Variants in NXNL2 observed in about 807,000 individuals in gnomAD.
The protein encoded by NXNL2 is nucleoredoxin-like protein 2.
In NXNL2, 7 loss-of-function variants were observed where a neutral mutation model predicts 11.1. The observed-to-expected ratio is 0.63, with a 90% CI of 0.36 to 1.18. The LOEUF is 1.18. Ranked by LOEUF, NXNL2 falls within the 50% of genes most tolerant of loss-of-function variation. The probability of loss-of-function intolerance (pLI) is 0.02; values close to 1 mark genes in which losing one functional copy is unlikely to be tolerated. For missense variants in NXNL2, 233 were observed against 217.7 expected, an observed-to-expected ratio of 1.07 and a Z score of -0.44; for synonymous variants, 109 against 101.8, an observed-to-expected ratio of 1.07 and a Z score of -0.42.
intron 1 of NXNL2, among the ~76,000 whole-genome samples, chr9:88,560,682 C>G (rs546288277): frequency 1.3e-5 from 2 of 152,088 alleles, no homozygotes; most frequent in Non-Finnish European, 2.9e-5. Context: ...GGTTGGAGAT[C>G]GCTTGAGCTC....
At chr9:88,562,064 C>G (rs920657681) in intron 1 of NXNL2, among the ~76,000 whole-genome samples, 1 of 152,112 alleles carries the variant, frequency 6.6e-6, no homozygotes. Context: ...AAGTAGAATG[C>G]GTAAATCATT....
At chr9:88,578,962 G>A (rs1286937254), downstream of NXNL2, among the ~76,000 whole-genome samples, 1 of 152,230 alleles carries the variant, frequency 6.6e-6, no homozygotes, top group Non-Finnish European at 1.5e-5. Flanking sequence ...CTATGTGACA[G>A]CCACTCTGCT....
At chr9:88,567,729 A>T (rs1006746461) in intron 1 of NXNL2, among the ~76,000 whole-genome samples, 5 of 152,300 alleles carry the variant, frequency 3.3e-5, no homozygotes, top group African/African-American at 9.6e-5. Flanking sequence ...ACTAATATGT[A>T]AGGCACTAAT....
In NXNL2 at chr9:88,544,713, T is replaced by C. The variant is rs1829824984; in HGVS notation, c.*166T>C. 1 of 1,399,722 alleles carries C rather than the reference T, an allele frequency of 7.1e-7. No homozygotes were observed. The allele number at this position is 1,399,722 out of a possible 1,614,324, so 86.7% of individuals were successfully genotyped here. ...AAAGCAACTATTGCTCAGGAAATAA[T>C]ACACTCCATATTTTGATCATGCAGG... On this transcript the variant is annotated 3_prime_UTR_variant, in exon 2 of 2. Transcript: ENST00000375854.
chr9:88,537,633 C>T (rs147487780), intron 1 of NXNL2, among the ~76,000 whole-genome samples: 6 of 152,338 alleles, frequency 3.9e-5, no homozygotes, highest in Non-Finnish European at 7.3e-5. Flanking sequence ...GCTTATCCTA[C>T]GTCTACAGGA....
chr9:88,543,389 G>C (rs138768229), intron 1 of NXNL2, among the ~76,000 whole-genome samples: 253 of 151,754 alleles, frequency 1.7e-3, no homozygotes, highest in African/African-American at 5.5e-3. Context: ...ACCTCAGCCT[G>C]TCGAGTAGCT....
At chr9:88,558,726 C>T (rs1217940518) in intron 1 of NXNL2, among the ~76,000 whole-genome samples, 1 of 152,106 alleles carries the variant, frequency 6.6e-6, no homozygotes, top group Non-Finnish European at 1.5e-5. Flanking sequence ...TATAAGACTC[C>T]CAGCTGGTGT....
intron 1 of NXNL2, among the ~76,000 whole-genome samples, chr9:88,569,797 A>C (rs1288727647): frequency 6.6e-6 from 1 of 152,168 alleles, no homozygotes; most frequent in Non-Finnish European, 1.5e-5. Context: ...TTCCTGTGGG[A>C]TAAATTCTAT....
intron 1 of NXNL2, among the ~76,000 whole-genome samples, chr9:88,564,810 A>G (rs1344857251): frequency 6.6e-6 from 1 of 152,054 alleles, no homozygotes; most frequent in African/African-American, 2.4e-5. Context: ...TCTATTATAC[A>G]TTTACTAATA....
At chr9:88,535,957 C>T (rs1266959885) in intron 1 of NXNL2, among the ~76,000 whole-genome samples, 1 of 152,160 alleles carries the variant, frequency 6.6e-6, no homozygotes, top group Non-Finnish European at 1.5e-5. Flanking sequence ...CCCAGGGCAT[C>T]GGCACCCCAA....
Position 88,561,426 on chromosome 9 carries a change from TATCAATCTATCG to T in NXNL2, c.303-9649_303-9638del, listed in dbSNP as rs546061458. Among the ~76,000 whole-genome samples the T allele has an allele frequency of 3.5e-3, 528 of 152,274 alleles. 6 individuals carry two copies. Among genetic ancestry groups the T allele is most frequent in the Non-Finnish European group, 1.9e-3 (126 of 68,014 alleles). On this transcript the variant is annotated intron_variant, in intron 1 of 2. Coordinates refer to the NXNL2 transcript ENST00000375855. The stretch of plus-strand genomic sequence containing the variant: ...AACTCCTCTTTATCTATCATCTATC[TATCAATCTATCG>T]ATCAATCTATCTACCATCTACTATC...
At chr9:88,569,782 T>A (rs1163215879) in intron 1 of NXNL2, among the ~76,000 whole-genome samples, 3 of 152,246 alleles carry the variant, frequency 2.0e-5, no homozygotes, top group African/African-American at 7.2e-5. Context: ...TGAATTTTCC[T>A]TGCATTCCTG....
downstream of NXNL2, among the ~76,000 whole-genome samples, chr9:88,548,920 C>G (rs1475734771): frequency 6.6e-6 from 1 of 151,956 alleles, no homozygotes; most frequent in Non-Finnish European, 1.5e-5. Context: ...AGACCCTTAC[C>G]CCTTCTAATA....
At position 88,544,597 on chromosome 9, in the gene NXNL2, G is replaced by C; in HGVS notation, c.*50G>C. 1 of 1,464,530 alleles carries C rather than the reference G, an allele frequency of 6.8e-7. No individual in the cohort carries two copies. Among genetic ancestry groups the C allele is most frequent in the Non-Finnish European group, 9.1e-7 (1 of 1,103,814 alleles). 90.7% of individuals were successfully genotyped at this position (1,464,530 alleles called of 1,614,324 possible). ...GGACAGGTGCTGCTTCTCCAGCACC[G>C]ACGCTGGGGCAAAGAGGAGCATGTT... On this transcript the variant is annotated 3_prime_UTR_variant, in exon 2 of 2. Coordinates refer to ENST00000375854, the MANE Select transcript of NXNL2 (RefSeq NM_001161625.2).
chr9:88,536,182 G>C (rs1829615128), intron 1 of NXNL2, among the ~76,000 whole-genome samples: 1 of 152,176 alleles, frequency 6.6e-6, no homozygotes, highest in South Asian at 2.1e-4. Flanking sequence ...CCGGTGTCTG[G>C]ATGCGGGGAT....
chr9:88,540,131 A>C (rs916525661), intron 1 of NXNL2, among the ~76,000 whole-genome samples: 1 of 151,874 alleles, frequency 6.6e-6, no homozygotes, highest in Non-Finnish European at 1.5e-5. Context: ...AGGAGATCGA[A>C]ACCATCCTGG....
At chr9:88,560,778 A>G (rs538098022) in intron 1 of NXNL2, among the ~76,000 whole-genome samples, 1 of 152,262 alleles carries the variant, frequency 6.6e-6, no homozygotes, top group Admixed American at 6.5e-5. Flanking sequence ...AGCTGCAGAC[A>G]ACAAGCCTGG....
intron 1 of NXNL2, among the ~76,000 whole-genome samples, chr9:88,564,304 TC>T (rs1201884510): frequency 6.6e-6 from 1 of 151,634 alleles, no homozygotes; most frequent in South Asian, 2.1e-4. Flanking sequence ...TATCTATCTA[TC>T]TATCTATCTA....
downstream of NXNL2, among the ~76,000 whole-genome samples, chr9:88,577,531 T>C (rs79322923): frequency 6.5e-3 from 987 of 152,062 alleles, 11 homozygotes; most frequent in African/African-American, 0.023. Context: ...ATCTAGGTGC[T>C]GTCAAATCTG....
Sources: allele counts gnomAD v4.1 joint callset (sites outside exome capture counted in the v4.1 genomes callset), GRCh38; gene constraint gnomAD v4.1.1; transcripts MANE v1.5; gene names NCBI Gene and HGNC (gene_info 2026-07-23, HGNC 2026-07-21).